Variants in CHL1 observed in about 807,000 individuals in gnomAD.
The protein encoded by CHL1 is neural cell adhesion molecule L1-like protein.
Under a neutral mutation model 141.9 loss-of-function variants are expected in CHL1, and 96 were observed. That is an observed-to-expected ratio of 0.68 (90% confidence interval 0.57 to 0.80). CHL1 has a LOEUF of 0.80. Among genes scored for constraint, CHL1 ranks in the 30% least tolerant of loss-of-function variants. The pLI, the probability that CHL1 is intolerant of heterozygous loss-of-function variation, is 0.00. For synonymous variants in CHL1, 613 were observed against 502.2 expected (o/e 1.22, Z -2.95); for missense variants, 1,820 against 1,457.2 (o/e 1.25, Z -4.05).
At position 224,097 on chromosome 3, in the gene CHL1, A is replaced by G. The variant is rs563847763; in HGVS notation, c.-174-20516A>G. 5.3e-5 allele frequency among the ~76,000 whole-genome samples: 8 copies of G among 152,312 alleles called. No homozygotes were observed. The South Asian group carries it at 1.5e-3, about 28-fold the overall frequency. On this transcript the variant is annotated intron_variant, in intron 1 of 27. Transcript: ENST00000256509. ...GGCTGGTTATTGTTTAACTGTACCT[A>G]CATCCTAATAGAGTTCAGGCCCCTC... is the stretch of plus-strand genomic sequence containing the variant.
intron 22 of CHL1, 48 bp downstream of exon 22, chr3:391,207 T>C: frequency 7.0e-7 from 1 of 1,423,180 alleles, no homozygotes; most frequent in Non-Finnish European, 9.9e-7. Flanking sequence ...AGGTGATCCA[T>C]GGCCATATTA....
At chr3:273,361 C>G (rs1695807339) in intron 2 of CHL1, among the ~76,000 whole-genome samples, 1 of 152,166 alleles carries the variant, frequency 6.6e-6, no homozygotes, top group Admixed American at 6.6e-5. Flanking sequence ...ACCCAAGAAC[C>G]TGAATCAATA....
intron 24 of CHL1, 41 bp from the exon 25 acceptor site, chr3:398,186 A>G (rs763971816): frequency 7.4e-7 from 1 of 1,357,340 alleles, no homozygotes; most frequent in South Asian, 1.7e-5. Flanking sequence ...CTGTTTTTCC[A>G]TGATTACAAT....
chr3:401,800 A>G (rs1709160789), intron 27 of CHL1, 102 bp downstream of exon 27: 1 of 667,346 alleles, frequency 1.5e-6, no homozygotes, highest in African/African-American at 1.9e-5. Flanking sequence ...TTACATAACT[A>G]CAATGTAATG....
intron 5 of CHL1, among the ~76,000 whole-genome samples, chr3:335,903 T>C (rs1019445786): frequency 6.6e-6 from 1 of 152,226 alleles, no homozygotes; most frequent in Non-Finnish European, 1.5e-5. Flanking sequence ...GGCTGTACCA[T>C]GCAAAGTGAA....
At chr3:250,325 C>T (rs1326640739) in intron 2 of CHL1, among the ~76,000 whole-genome samples, 1 of 151,940 alleles carries the variant, frequency 6.6e-6, no homozygotes, top group Non-Finnish European at 1.5e-5. Flanking sequence ...ATCAAAAAAG[C>T]AATTAGACCA....
chr3:201,028 A>T (rs953451625), intron 1 of CHL1, among the ~76,000 whole-genome samples: 2 of 152,196 alleles, frequency 1.3e-5, no homozygotes, highest in African/African-American at 4.8e-5. Flanking sequence ...ATCAAAAAGG[A>T]TTTAAGTTTA....
chr3:291,444 TC>T (rs1661896613), intron 2 of CHL1, among the ~76,000 whole-genome samples: 1 of 150,726 alleles, frequency 6.6e-6, no homozygotes, highest in South Asian at 2.1e-4. Flanking sequence ...TCTCTTCTTT[TC>T]TTTTCTTTTT....
chr3:328,050 G>C (rs1244443656), intron 4 of CHL1, 117 bp from the exon 5 acceptor site: 1 of 683,520 alleles, frequency 1.5e-6, no homozygotes, highest in Non-Finnish European at 2.4e-6. Flanking sequence ...ATTCCATTAA[G>C]TATATACTTT....
chr3:344,286 C>A (rs1702579883), intron 8 of CHL1, among the ~76,000 whole-genome samples: 1 of 152,016 alleles, frequency 6.6e-6, no homozygotes, highest in Non-Finnish European at 1.5e-5. Context: ...AATATAAAAT[C>A]ATAGATTTTC....
intron 2 of CHL1, among the ~76,000 whole-genome samples, chr3:271,988 C>T (rs1451038100): frequency 6.6e-6 from 1 of 152,128 alleles, no homozygotes; most frequent in Non-Finnish European, 1.5e-5. Context: ...TAGGTGCTGA[C>T]TGTAAAATCA....
At chr3:391,228 C>G (rs148472491) in intron 22 of CHL1, 69 bp downstream of exon 22, 1 of 1,272,588 alleles carries the variant, frequency 7.9e-7, no homozygotes, top group Non-Finnish European at 1.1e-6. Context: ...AACATTCTTC[C>G]TTATGGCCAG....
rs577602816 is a variant in CHL1 at position 276,973 on chromosome 3, A to G, written c.-95+32281A>G. ...TCCATTCTAAAGCACTCCACTTATTAGCTGGTGACTTTTCAAATGACTTCT... is the reference window on the plus strand; with the variant it reads ...TCCATTCTAAAGCACTCCACTTATTGGCTGGTGACTTTTCAAATGACTTCT... On this transcript the variant is annotated intron_variant, in intron 2 of 27. Coordinates refer to ENST00000256509, the MANE Select transcript of CHL1 (RefSeq NM_006614.4). Among the ~76,000 whole-genome samples the G allele has an allele frequency of 2.1e-4, 32 of 150,668 alleles. No individual in the cohort carries two copies. In the East Asian group the frequency reaches 4.5e-3, roughly 21 times the overall value.
intron 2 of CHL1, among the ~76,000 whole-genome samples, chr3:315,295 A>G (rs1220333242): frequency 6.6e-6 from 1 of 152,132 alleles, no homozygotes; most frequent in Non-Finnish European, 1.5e-5. Flanking sequence ...CCATCTAGCA[A>G]TGGTGGCTTT....
chr3:325,895 G>A (rs751918971), intron 3 of CHL1, 64 bp from the exon 4 acceptor site: 435 of 1,080,610 alleles, frequency 4.0e-4, no homozygotes, highest in Non-Finnish European at 5.3e-4. Context: ...AAGTGTTTTC[G>A]CTATAGATTA....
At chr3:207,462 G>C (rs1375599584) in intron 1 of CHL1, among the ~76,000 whole-genome samples, 1 of 152,186 alleles carries the variant, frequency 6.6e-6, no homozygotes, top group African/African-American at 2.4e-5. Context: ...AAATGCATCT[G>C]ATGACATAGT....
intron 1 of CHL1, among the ~76,000 whole-genome samples, chr3:242,536 C>T (rs977733014): frequency 3.3e-5 from 5 of 151,990 alleles, no homozygotes; most frequent in African/African-American, 1.2e-4. Flanking sequence ...GCAGAGCTTG[C>T]AGTGAGCCGA....
At chr3:377,011 C>G (rs1290493217) in intron 15 of CHL1, among the ~76,000 whole-genome samples, 3 of 152,204 alleles carry the variant, frequency 2.0e-5, no homozygotes, top group African/African-American at 7.2e-5. Context: ...ATGTGAGCCT[C>G]CTTTCCTCCT....
intron 12 of CHL1, among the ~76,000 whole-genome samples, chr3:360,909 A>G (rs537985402): frequency 0.027 from 4,061 of 151,080 alleles, 174 homozygotes; most frequent in African/African-American, 0.093. Context: ...TGTCCCTACA[A>G]AGGACATGAA....
Sources: allele counts gnomAD v4.1 joint callset (sites outside exome capture counted in the v4.1 genomes callset), GRCh38; gene constraint gnomAD v4.1.1; transcripts MANE v1.5; gene names NCBI Gene and HGNC (gene_info 2026-07-23, HGNC 2026-07-21).